The following ZNF407 variants were observed in gnomAD, a reference collection of about 807,000 sequenced individuals.
The protein encoded by ZNF407 is zinc finger protein 407.
ZNF407 carries 17 observed loss-of-function variants against 131.2 expected under a neutral mutation model. That is an observed-to-expected ratio of 0.13 (90% CI 0.09 to 0.19). The LOEUF (loss-of-function observed/expected upper bound fraction) is 0.19, where lower values mean the gene tolerates loss of function less well. Ranked by LOEUF, ZNF407 falls within the 10% of genes least tolerant of loss-of-function variation. The pLI is 1.00. For missense variants in ZNF407, 2,681 were observed against 2,830.6 expected (o/e 0.95, Z 1.20); for synonymous variants, 1,156 against 1,062.0 (o/e 1.09, Z -1.72).
intron 7 of ZNF407, among the ~76,000 whole-genome samples, chr18:74,917,904 G>A (rs1264735162): frequency 6.6e-6 from 1 of 152,192 alleles, no homozygotes; most frequent in Admixed American, 6.5e-5. Context: ...ATTAAGTACA[G>A]TAGTAGCTTT....
chr18:75,022,534 T>C (rs895829319), intron 8 of ZNF407, among the ~76,000 whole-genome samples: 2 of 152,188 alleles, frequency 1.3e-5, no homozygotes, highest in Non-Finnish European at 2.9e-5. Flanking sequence ...AATTTACTCA[T>C]AATATTAGAG....
chr18:74,616,153 C>T (rs1363779064), intron 1 of ZNF407, among the ~76,000 whole-genome samples: 4 of 152,146 alleles, frequency 2.6e-5, no homozygotes, highest in Non-Finnish European at 4.4e-5. Context: ...TGGGAAAAAA[C>T]CCCATGCACT....
At chr18:74,767,323 G>T (rs189316208) in intron 3 of ZNF407, among the ~76,000 whole-genome samples, 89 of 152,212 alleles carry the variant, frequency 5.8e-4, no homozygotes, top group African/African-American at 1.9e-3. Context: ...CTTCTTAATT[G>T]ATAACTTCTG....
intron 8 of ZNF407, among the ~76,000 whole-genome samples, chr18:74,961,575 C>G (rs1443706350): frequency 6.6e-6 from 1 of 152,014 alleles, no homozygotes; most frequent in Admixed American, 6.5e-5. Context: ...AAAAAATTAG[C>G]TGGGTGTGGT....
At chr18:74,639,995 TCTAA>T (rs1391139003) in intron 2 of ZNF407, among the ~76,000 whole-genome samples, 1 of 152,150 alleles carries the variant, frequency 6.6e-6, no homozygotes, top group African/African-American at 2.4e-5. Flanking sequence ...TCGTGTTCTA[TCTAA>T]CTATAGTAGA....
intron 8 of ZNF407, among the ~76,000 whole-genome samples, chr18:74,961,697 C>T (rs527877221): frequency 1.0e-4 from 15 of 147,564 alleles, no homozygotes; most frequent in South Asian, 2.1e-4. Flanking sequence ...TCCAGCCTGG[C>T]GACAGAGACT....
chr18:75,006,722 TATTA>T (rs1972914981), intron 8 of ZNF407, among the ~76,000 whole-genome samples: 1 of 152,198 alleles, frequency 6.6e-6, no homozygotes, highest in African/African-American at 2.4e-5. Context: ...AGATTAAGCT[TATTA>T]ATTGTGTCTT....
chr18:74,777,951 G>C (rs566908958), intron 3 of ZNF407, among the ~76,000 whole-genome samples: 1 of 152,068 alleles, frequency 6.6e-6, no homozygotes, highest in Admixed American at 6.6e-5. Flanking sequence ...GCCCAGTGGC[G>C]CATGGCTTCA....
intron 1 of ZNF407, among the ~76,000 whole-genome samples, chr18:74,617,282 T>C (rs1370042016): frequency 1.3e-5 from 2 of 152,052 alleles, no homozygotes; most frequent in Non-Finnish European, 2.9e-5. Flanking sequence ...CATCTAAGAA[T>C]AGGGATTTTT....
chr18:74,682,845 A>C (rs1461687405), intron 3 of ZNF407, among the ~76,000 whole-genome samples: 2 of 152,084 alleles, frequency 1.3e-5, no homozygotes, highest in East Asian at 3.8e-4. Flanking sequence ...TGACAGGCGC[A>C]TTTTCCATCA....
At position 74,639,194 on chromosome 18, in the gene ZNF407, G is replaced by T. The variant is rs1409977860; in HGVS notation, c.4688-1814G>T. On this transcript the variant is annotated intron_variant, in intron 2 of 8. Transcript: ENST00000299687. ...GAGACCCCACGTCCCTTTCTCTGTG[G>T]CATCTGTGCCACAGGAGGAGGAGCT... 2.6e-5 allele frequency among the ~76,000 whole-genome samples: 4 copies of T among 152,174 alleles called. No individual in the cohort carries two copies. In the East Asian group the frequency reaches 7.7e-4, roughly 29 times the overall value.
intron 3 of ZNF407, among the ~76,000 whole-genome samples, chr18:74,655,625 A>G (rs1302566304): frequency 2.0e-5 from 3 of 152,184 alleles, no homozygotes; most frequent in Non-Finnish European, 4.4e-5. Context: ...AAAATTGGAA[A>G]GGGGCTAAAC....
In ZNF407 at chr18:74,637,932, G is replaced by C. The variant is rs551617078; in HGVS notation, c.4687+2226G>C. 2.6e-5 allele frequency among the ~76,000 whole-genome samples: 4 copies of C among 152,332 alleles called. No homozygotes were observed. In the South Asian group the frequency reaches 8.3e-4, roughly 32 times the overall value. On this transcript the variant is annotated intron_variant, in intron 2 of 8. Transcript: ENST00000299687. ...GATCCTAGAGTCTCCCCGTGTGCAT[G>C]CTACTACGAAGTAATCAACATGACC... is the stretch of plus-strand genomic sequence containing the variant.
intron 4 of ZNF407, among the ~76,000 whole-genome samples, chr18:74,805,368 C>G (rs978464463): frequency 1.2e-4 from 18 of 152,214 alleles, no homozygotes; most frequent in Admixed American, 1.2e-3. Context: ...GCTTTCTGCT[C>G]CTAAATTCTC....
At chr18:74,772,816 G>C (rs912293545) in intron 3 of ZNF407, among the ~76,000 whole-genome samples, 16 of 152,062 alleles carry the variant, frequency 1.1e-4, no homozygotes, top group African/African-American at 3.6e-4. Flanking sequence ...GTATGGGAGA[G>C]TGCCTTGTAG....
At chr18:74,932,596 C>CA (rs1240088826) in intron 8 of ZNF407, among the ~76,000 whole-genome samples, 6 of 151,636 alleles carry the variant, frequency 4.0e-5, no homozygotes, top group African/African-American at 7.3e-5. Context: ...ACCAATCATT[C>CA]AAAAAAAACT....
At chr18:75,043,528 A>G (rs1408365399) in intron 8 of ZNF407, among the ~76,000 whole-genome samples, 1 of 151,726 alleles carries the variant, frequency 6.6e-6, no homozygotes, top group African/African-American at 2.4e-5. Context: ...CCCTCCCATC[A>G]CTGTCCGCTT....
intron 1 of ZNF407, among the ~76,000 whole-genome samples, chr18:74,620,035 A>AG (rs1254836765): frequency 6.6e-6 from 1 of 151,692 alleles, no homozygotes; most frequent in Non-Finnish European, 1.5e-5. Context: ...TAAAAAAAAA[A>AG]AACCCAGACA....
At chr18:74,750,813 AT>A (rs1968783321) in intron 3 of ZNF407, among the ~76,000 whole-genome samples, 1 of 151,976 alleles carries the variant, frequency 6.6e-6, no homozygotes, top group Non-Finnish European at 1.5e-5. Context: ...CAGTGTATGA[AT>A]TTTTGAATTT....
Sources: gnomAD v4.1 joint callset for allele counts (sites outside exome capture counted in the v4.1 genomes callset) on GRCh38, gnomAD v4.1.1 for gene constraint, MANE v1.5 for transcripts, NCBI Gene and HGNC (gene_info 2026-07-23, HGNC 2026-07-21) for gene names.